The following CPXM2 variants were observed in gnomAD, a reference collection of about 807,000 sequenced individuals.
CPXM2 encodes the protein carboxypeptidase X, M14 family member 2.
CPXM2 carries 66 observed loss-of-function variants against 86.1 expected under a neutral mutation model. The observed-to-expected ratio is 0.77, with a 90% CI of 0.63 to 0.94. CPXM2 has a LOEUF of 0.94. Ranked by LOEUF, CPXM2 falls within the 40% of genes least tolerant of loss-of-function variation. CPXM2 has a pLI of 0.00. For missense variants in CPXM2, 948 were observed against 1,026.3 expected, an observed-to-expected ratio of 0.92 and a Z score of 1.04; for synonymous variants, 388 against 400.2, an observed-to-expected ratio of 0.97 and a Z score of 0.36.
chr10:123,894,441 A>G (rs763141273), upstream of CPXM2, among the ~76,000 whole-genome samples: 3 of 152,138 alleles, frequency 2.0e-5, no homozygotes, highest in Non-Finnish European at 4.4e-5. Flanking sequence ...TAGAACAAGA[A>G]TCGATTGCAC....
intron 4 of CPXM2, among the ~76,000 whole-genome samples, chr10:123,829,806 A>G (rs113973125): frequency 5.3e-5 from 8 of 152,240 alleles, no homozygotes; most frequent in African/African-American, 1.9e-4. Context: ...GTTCTGGCAA[A>G]TAAAAACAGA....
intron 3 of CPXM2, among the ~76,000 whole-genome samples, chr10:123,856,310 C>T (rs770561448): frequency 4.6e-5 from 7 of 152,328 alleles, no homozygotes; most frequent in Non-Finnish European, 5.9e-5. Context: ...CCCTCTGACA[C>T]GGCAGTGCTT....
At chr10:123,856,614 CAG>C (rs1471315486) in intron 3 of CPXM2, among the ~76,000 whole-genome samples, 3 of 151,548 alleles carry the variant, frequency 2.0e-5, no homozygotes, top group Non-Finnish European at 2.9e-5. Flanking sequence ...TTTTTTGAGA[CAG>C]AGTCTCATCC....
At chr10:123,830,923 T>C (rs1848155024) in intron 4 of CPXM2, among the ~76,000 whole-genome samples, 1 of 151,946 alleles carries the variant, frequency 6.6e-6, no homozygotes, top group Non-Finnish European at 1.5e-5. Flanking sequence ...TCTCTCTCTC[T>C]TTCTTTGCTG....
At chr10:123,855,479 C>G (rs770506831) in intron 3 of CPXM2, among the ~76,000 whole-genome samples, 1 of 152,160 alleles carries the variant, frequency 6.6e-6, no homozygotes, top group African/African-American at 2.4e-5. Flanking sequence ...CAGGTGAGAC[C>G]TGGGAAAATG....
chr10:123,781,255 C>A (rs1448549887), intron 6 of CPXM2, among the ~76,000 whole-genome samples: 1 of 152,334 alleles, frequency 6.6e-6, no homozygotes, highest in South Asian at 2.1e-4. Context: ...GTCAGGGAGG[C>A]AATGTCTGCT....
intron 7 of CPXM2, among the ~76,000 whole-genome samples, chr10:123,778,307 G>C (rs1322027243): frequency 6.6e-6 from 1 of 152,204 alleles, no homozygotes; most frequent in Non-Finnish European, 1.5e-5. Context: ...ACTCCATATG[G>C]GGAAGTTGCT....
chr10:123,918,748 T>C (rs1463550018), intron 2 of CPXM2, among the ~76,000 whole-genome samples: 1 of 152,184 alleles, frequency 6.6e-6, no homozygotes, highest in Non-Finnish European at 1.5e-5. Flanking sequence ...GCAGCAGTGG[T>C]CATGGAAGCC....
intron 4 of CPXM2, among the ~76,000 whole-genome samples, chr10:123,806,170 A>G (rs1335942101): frequency 6.6e-6 from 1 of 152,150 alleles, no homozygotes; most frequent in Non-Finnish European, 1.5e-5. Flanking sequence ...GTATGCTGAT[A>G]GTACGCTTTT....
At chr10:123,879,028 T>C (rs1379154747) in intron 2 of CPXM2, among the ~76,000 whole-genome samples, 1 of 152,032 alleles carries the variant, frequency 6.6e-6, no homozygotes, top group Non-Finnish European at 1.5e-5. Flanking sequence ...GTCCAATGAG[T>C]CCTCTCAATG....
At chr10:123,890,420 G>A (rs574129275) in intron 1 of CPXM2, among the ~76,000 whole-genome samples, 1 of 152,312 alleles carries the variant, frequency 6.6e-6, no homozygotes, top group South Asian at 2.1e-4. Context: ...TGACTTTCGT[G>A]AGCAGTTTAA....
chr10:123,854,433 TAA>T (rs1848675607), intron 3 of CPXM2, among the ~76,000 whole-genome samples: 1 of 121,180 alleles, frequency 8.3e-6, no homozygotes, highest in African/African-American at 3.1e-5. Flanking sequence ...AATATATATA[TAA>T]TATACTTTTA....
chr10:123,846,570 C>T (rs558465478), intron 3 of CPXM2, among the ~76,000 whole-genome samples: 7 of 152,186 alleles, frequency 4.6e-5, no homozygotes, highest in East Asian at 1.9e-4. Context: ...GGTCTGTGGA[C>T]GGGGGACTTG....
chr10:123,938,262 T>C (rs533839758), intron 2 of CPXM2, among the ~76,000 whole-genome samples: 24 of 152,354 alleles, frequency 1.6e-4, no homozygotes, highest in African/African-American at 5.8e-4. Flanking sequence ...TCCTGGATGA[T>C]ACTGAAGCTG....
chr10:123,771,032 T>C lies in CPXM2; in HGVS notation c.986A>G (p.Lys329Arg). 6.2e-7 allele frequency: 1 copy of C among 1,612,820 alleles called. No homozygotes were observed. The highest frequency in any genetic ancestry group is 1.1e-5 in the South Asian group (1 of 90,810). Residue 329 changes from lysine to arginine, a missense_variant, in exon 8 of 14, where the codon AAA becomes AGA. By Grantham distance (26) the Lys-to-Arg change is conservative (BLOSUM62 2). Coordinates refer to ENST00000241305, the MANE Select transcript of CPXM2 (RefSeq NM_198148.3). Reference protein sequence around the residue: ...HNYKEMRQLMKVVNEMCPNIT... With the variant: ...HNYKEMRQLMRVVNEMCPNIT... ...ATTGGGACACATTTCATTCACAACT[T>C]TCATCAACTGAAAAACAAGGTGAAT...
At chr10:123,757,448 C>A in intron 11 of CPXM2, 96 bp from the exon 12 acceptor site, 1 of 1,056,016 alleles carries the variant, frequency 9.5e-7, no homozygotes, top group South Asian at 1.4e-5. Flanking sequence ...TAAGAACATT[C>A]GGAAGGCCTT....
At chr10:123,861,687 A>G (rs562492734) in intron 3 of CPXM2, among the ~76,000 whole-genome samples, 1 of 152,338 alleles carries the variant, frequency 6.6e-6, no homozygotes, top group African/African-American at 2.4e-5. Flanking sequence ...GAAGAAGGAA[A>G]GAGCCACTAG....
intron 2 of CPXM2, among the ~76,000 whole-genome samples, chr10:123,927,783 G>A (rs1414495944): frequency 6.6e-6 from 1 of 152,198 alleles, no homozygotes; most frequent in African/African-American, 2.4e-5. Flanking sequence ...GTACAAATGG[G>A]TCACGTTCAT....
chr10:123,927,856 C>T (rs189871220), intron 2 of CPXM2, among the ~76,000 whole-genome samples: 2 of 152,218 alleles, frequency 1.3e-5, no homozygotes, highest in South Asian at 2.1e-4. Flanking sequence ...TATCCAATCT[C>T]GTTTCCCTGG....
Sources: allele counts gnomAD v4.1 joint callset (sites outside exome capture counted in the v4.1 genomes callset), GRCh38; gene constraint gnomAD v4.1.1; transcripts MANE v1.5; gene names NCBI Gene and HGNC (gene_info 2026-07-23, HGNC 2026-07-21).